Variants in CCDC57 observed in about 807,000 individuals in gnomAD.
CCDC57 encodes coiled-coil domain-containing protein 57.
Under a neutral mutation model 118.9 loss-of-function variants are expected in CCDC57, and 118 were observed. The ratio of observed to expected loss-of-function variants is 0.99; its 90% confidence interval spans 0.86 to 1.16. CCDC57 has a LOEUF of 1.16. Among genes scored for constraint, CCDC57 ranks in the 50% most tolerant of loss-of-function variants. The pLI is 0.00. For synonymous variants in CCDC57, 527 were observed against 532.9 expected (o/e 0.99, Z 0.15); for missense variants, 1,300 against 1,320.7 (o/e 0.98, Z 0.24).
At chr17:82,139,053 G>A (rs2039676540) in intron 16 of CCDC57, among the ~76,000 whole-genome samples, 1 of 152,180 alleles carries the variant, frequency 6.6e-6, no homozygotes, top group Non-Finnish European at 1.5e-5. Flanking sequence ...GATATTCTTG[G>A]TATAGTCATG....
chr17:82,206,109 C>T (rs1599491567), intron 2 of CCDC57, among the ~76,000 whole-genome samples: 1 of 152,204 alleles, frequency 6.6e-6, no homozygotes, highest in Admixed American at 6.5e-5. Flanking sequence ...GAGAAGCCGC[C>T]GGGGAGGGAA....
chr17:82,178,095 T>C (rs2045757084), intron 11 of CCDC57, among the ~76,000 whole-genome samples: 1 of 152,176 alleles, frequency 6.6e-6, no homozygotes, highest in Admixed American at 6.5e-5. Flanking sequence ...ACCCTGGCAT[T>C]GGATGAGTAC....
chr17:82,144,493 A>G (rs1416618892), intron 16 of CCDC57, among the ~76,000 whole-genome samples: 1 of 152,156 alleles, frequency 6.6e-6, no homozygotes, highest in African/African-American at 2.4e-5. Context: ...TCTCTTTCCT[A>G]GAAAAGATGG....
intron 19 of CCDC57, among the ~76,000 whole-genome samples, chr17:82,116,186 GAAA>G (rs931421660): frequency 1.6e-5 from 2 of 125,124 alleles, no homozygotes; most frequent in Non-Finnish European, 3.4e-5. Flanking sequence ...ATTTTTTAAA[GAAA>G]AAAAAAGCCA....
chr17:82,174,155 C>T (rs2045150953), intron 11 of CCDC57, among the ~76,000 whole-genome samples: 1 of 152,258 alleles, frequency 6.6e-6, no homozygotes, highest in Non-Finnish European at 1.5e-5. Flanking sequence ...GCTCCCTACT[C>T]TGCACTCCAT....
intron 11 of CCDC57, among the ~76,000 whole-genome samples, chr17:82,174,442 TA>T (rs1394267118): frequency 1.3e-5 from 2 of 152,364 alleles, no homozygotes; most frequent in Middle Eastern, 3.4e-3. Flanking sequence ...GTTTCTCATG[TA>T]AATAAGACTC....
chr17:82,186,223 C>A (rs1335547435), intron 8 of CCDC57, among the ~76,000 whole-genome samples: 1 of 152,154 alleles, frequency 6.6e-6, no homozygotes, highest in Non-Finnish European at 1.5e-5. Context: ...ATGTAGAAGT[C>A]TGTTTCTTAC....
intron 13 of CCDC57, 99 bp from the exon 13 acceptor site, chr17:82,163,456 GC>G: frequency 6.9e-7 from 1 of 1,440,534 alleles, no homozygotes. Flanking sequence ...TTCCCGTGAG[GC>G]CATGGCACCA....
intron 2 of CCDC57, among the ~76,000 whole-genome samples, chr17:82,205,844 C>A (rs1444276901): frequency 6.6e-6 from 1 of 152,242 alleles, no homozygotes; most frequent in African/African-American, 2.4e-5. Context: ...CCATAAGAAG[C>A]CCCACACACC....
At chr17:82,157,476 T>C (rs1203375542) in intron 15 of CCDC57, 2 of 1,401,490 alleles carry the variant, frequency 1.4e-6, no homozygotes, top group Non-Finnish European at 1.8e-6. Context: ...TGCTGTTAGC[T>C]GAAGGGAGGA....
At chr17:82,178,773 C>T (rs749428232) in intron 10 of CCDC57, among the ~76,000 whole-genome samples, 168 bp from the exon 10 acceptor site, 1 of 152,266 alleles carries the variant, frequency 6.6e-6, no homozygotes, top group Non-Finnish European at 1.5e-5. Flanking sequence ...GCTGCCCTTG[C>T]AGGCCAGCGG....
At chr17:82,127,948 A>G in intron 18 of CCDC57, 40 bp from the exon 18 acceptor site, 1 of 1,603,782 alleles carries the variant, frequency 6.2e-7, no homozygotes, top group Non-Finnish European at 8.5e-7. Context: ...ACCCTCTCCA[A>G]CCCAGAGGAA....
chr17:82,205,763 C>G (rs1328176910), intron 2 of CCDC57, among the ~76,000 whole-genome samples: 1 of 152,226 alleles, frequency 6.6e-6, no homozygotes, highest in Non-Finnish European at 1.5e-5. Flanking sequence ...AAAATCCATA[C>G]AGCAAGTGAC....
chr17:82,117,779 C>G (rs2036115656), intron 19 of CCDC57, among the ~76,000 whole-genome samples: 1 of 147,250 alleles, frequency 6.8e-6, no homozygotes, highest in African/African-American at 2.5e-5. Context: ...TTTGCTAAAT[C>G]CACCAATACT....
chr17:82,111,417 C>T (rs1185737997), intron 19 of CCDC57, among the ~76,000 whole-genome samples: 8 of 131,140 alleles, frequency 6.1e-5, no homozygotes, highest in Admixed American at 1.6e-4. Flanking sequence ...CTTGCTCTGT[C>T]GCTCAGGTTG....
intron 4 of CCDC57, 43 bp from the exon 4 acceptor site, chr17:82,195,407 A>G (rs956167444): frequency 6.7e-7 from 1 of 1,493,886 alleles, no homozygotes. Flanking sequence ...GTGGGAACCC[A>G]GCAAAGACCC....
intron 17 of CCDC57, among the ~76,000 whole-genome samples, chr17:82,132,759 C>CTTTTTTTTTTTTTT (rs71166188): frequency 8.1e-6 from 1 of 123,948 alleles, no homozygotes; most frequent in Non-Finnish European, 1.7e-5. Flanking sequence ...GACAACCTTG[C>CTTTTTTTTTTTTTT]TTTTTTTTTT....
intron 11 of CCDC57, among the ~76,000 whole-genome samples, chr17:82,174,288 C>T (rs1232281471): frequency 2.6e-5 from 4 of 152,232 alleles, no homozygotes; most frequent in Admixed American, 6.5e-5. Flanking sequence ...TCACACGCTG[C>T]GCTCAGGGGT....
At chr17:82,194,167 T>C (rs1160224293) in intron 5 of CCDC57, 28 bp from the exon 5 acceptor site, 1 of 1,598,270 alleles carries the variant, frequency 6.3e-7, no homozygotes, top group Non-Finnish European at 8.6e-7. Context: ...GAGTTCAAAA[T>C]GAGGTGATAA....
Sources: gnomAD v4.1 joint callset for allele counts (sites outside exome capture counted in the v4.1 genomes callset) on GRCh38, gnomAD v4.1.1 for gene constraint, MANE v1.5 for transcripts, NCBI Gene and HGNC (gene_info 2026-07-23, HGNC 2026-07-21) for gene names.